Variants in RAP1GAP observed in about 807,000 individuals in gnomAD.
RAP1GAP encodes the protein rap1 GTPase-activating protein 1.
In RAP1GAP, 35 loss-of-function variants were observed where a neutral mutation model predicts 87.2. That is an observed-to-expected ratio of 0.40 (90% CI 0.31 to 0.53). RAP1GAP has a LOEUF of 0.53. Among genes scored for constraint, RAP1GAP ranks in the 20% least tolerant of loss-of-function variants. RAP1GAP has a pLI of 0.48. For missense variants in RAP1GAP, 734 were observed against 898.9 expected, an observed-to-expected ratio of 0.82 and a Z score of 2.35; for synonymous variants, 375 against 363.9, an observed-to-expected ratio of 1.03 and a Z score of -0.35.
rs2080043550 is a variant in RAP1GAP at position 21,613,775 on chromosome 1, C to A, written c.396-69G>T. 6.9e-7 allele frequency: 1 copy of A among 1,454,948 alleles called. No homozygotes were observed. Among genetic ancestry groups the A allele is most frequent in the African/African-American group, 1.4e-5 (1 of 71,596 alleles). 90.1% of individuals were successfully genotyped at this position (1,454,948 alleles called of 1,614,324 possible). Reference sequence around the variant, plus strand: ...AGGAAAATGGGAACCCCACCCCCCACAAAGTAAGGCCAGAAGGGGGTGGAC... The same window carrying A: ...AGGAAAATGGGAACCCCACCCCCCAAAAAGTAAGGCCAGAAGGGGGTGGAC... On this transcript the variant is annotated intron_variant, in intron 8 of 24. Transcript: ENST00000374765. This position sits in a 1 kb window ranked among gnomAD's most constrained non-coding sequence, Gnocchi z 4.7.
At position 21,615,290 on chromosome 1, in the gene RAP1GAP, C is replaced by A. The variant is rs910075220; in HGVS notation, c.292-1201G>T. Among the ~76,000 whole-genome samples, 52 of 152,358 alleles carry A rather than the reference C, an allele frequency of 3.4e-4. No homozygotes were observed. The highest frequency in any genetic ancestry group is 1.2e-3 in the African/African-American group (48 of 41,582). On this transcript the variant is annotated intron_variant, in intron 7 of 24. Coordinates refer to ENST00000374765, the MANE Select transcript of RAP1GAP (RefSeq NM_002885.4). This position sits in a 1 kb window ranked among gnomAD's most constrained non-coding sequence, Gnocchi z 4.5. ...TAGGGCCCAGTGCCTGAGCACCTGG[C>A]TGCTTCCCCCATTACCCCACCTGGA...
chr1:21,644,836 G>T (rs1188011062), intron 2 of RAP1GAP, among the ~76,000 whole-genome samples: 1 of 150,398 alleles, frequency 6.6e-6, no homozygotes, highest in African/African-American at 2.5e-5. Flanking sequence ...CGGAGGTGGA[G>T]GTTGCAGTGA....
At chr1:21,629,002 C>T (rs1381494209) in intron 2 of RAP1GAP, among the ~76,000 whole-genome samples, 3 of 152,132 alleles carry the variant, frequency 2.0e-5, no homozygotes, top group Non-Finnish European at 2.9e-5. Flanking sequence ...ACTGGGACTG[C>T]GTCAAGCATA....
intron 3 of RAP1GAP, among the ~76,000 whole-genome samples, chr1:21,623,326 T>C (rs77856479): frequency 0.011 from 1,682 of 152,306 alleles, 33 homozygotes; most frequent in African/African-American, 0.039. Context: ...ATATAAGGAC[T>C]CTGTAGGCCC....
Position 21,619,029 on chromosome 1 carries a change from AG to A in RAP1GAP, c.61del (p.Leu21SerfsTer59). On this transcript the variant is annotated frameshift_variant, in exon 5 of 25. Coordinates refer to ENST00000374765, the MANE Select transcript of RAP1GAP (RefSeq NM_002885.4). LOFTEE classifies it high-confidence loss of function. ...CAGACTGCCAGGCCCACCTACTTTG[AG>A]GGGCGGCGGGAAGGAGCAGCGTTGT... ...DEQRCSFPPP[L>X]KTEEDYIPYP... The A allele has an allele frequency of 1.3e-6, 2 of 1,599,188 alleles. No homozygotes were observed. The highest frequency in any genetic ancestry group is 1.7e-6 in the Non-Finnish European group (2 of 1,172,016).
intron 1 of RAP1GAP, chr1:21,651,839 C>T: frequency 8.7e-7 from 1 of 1,147,038 alleles, no homozygotes; most frequent in East Asian, 4.5e-5. Context: ...GCCGCCGCCG[C>T]CCGGCCCGGC....
At chr1:21,656,141 C>A (rs2096849133) in intron 1 of RAP1GAP, among the ~76,000 whole-genome samples, 2 of 152,164 alleles carry the variant, frequency 1.3e-5, no homozygotes, top group Non-Finnish European at 2.9e-5. Flanking sequence ...GGGTTAAAGA[C>A]CTAACAGTGG....
At chr1:21,658,026 C>T (rs1280587498) in intron 1 of RAP1GAP, among the ~76,000 whole-genome samples, 1 of 152,092 alleles carries the variant, frequency 6.6e-6, no homozygotes, top group Non-Finnish European at 1.5e-5. Flanking sequence ...CACTGTCATT[C>T]AGTGGGTGGG....
chr1:21,634,353 G>C lies in RAP1GAP; in HGVS notation c.-112-7956C>G, dbSNP rs2150909114. ...GTGGCGATGGGGTAGAGGAGCGGCA[G>C]GGGGACTATTTGCCATGCGGGCACT... On this transcript the variant is annotated intron_variant, in intron 2 of 24. Transcript: ENST00000374765. The surrounding 1 kb of genome is among the most constrained non-coding windows in gnomAD (Gnocchi z 4.1). 6.6e-6 allele frequency among the ~76,000 whole-genome samples: 1 copy of C among 152,330 alleles called. No individual in the cohort carries two copies. The highest frequency in any genetic ancestry group is 2.1e-4 in the South Asian group (1 of 4,830).
At chr1:21,604,328 AAGG>A (rs538818262) in intron 18 of RAP1GAP, among the ~76,000 whole-genome samples, 85 of 132,530 alleles carry the variant, frequency 6.4e-4, no homozygotes, top group South Asian at 3.8e-3. Flanking sequence ...CGGAGAAGGG[AAGG>A]AGGAGAGGGA....
intron 20 of RAP1GAP, 146 bp from the exon 21 acceptor site, chr1:21,599,763 T>A: frequency 8.7e-7 from 1 of 1,153,580 alleles, no homozygotes; most frequent in Non-Finnish European, 1.2e-6. Context: ...CTTGGGCCTC[T>A]GAGCCCCCCA....
At position 21,596,793 on chromosome 1, in the gene RAP1GAP, G is replaced by A. The variant is rs1031118558; in HGVS notation, c.*506C>T. On this transcript the variant is annotated 3_prime_UTR_variant, in exon 25 of 25. Transcript: ENST00000374765. Reference sequence around the variant, plus strand: ...TAGCAGACATGCCCAGAGAGGGAGAGTGACTTGCCCAGAGTCACACAGCAG... The same window carrying A: ...TAGCAGACATGCCCAGAGAGGGAGAATGACTTGCCCAGAGTCACACAGCAG... 6.6e-6 allele frequency: 1 copy of A among 152,304 alleles called. No homozygotes were observed. Among genetic ancestry groups the A allele is most frequent in the Non-Finnish European group, 1.5e-5 (1 of 68,114 alleles). The allele number at this position is 152,304 out of a possible 1,614,324, so 9.4% of individuals were successfully genotyped here. A position where few individuals can be genotyped will look rare whatever the true frequency, so the allele number is the denominator to read the frequency against.
intron 2 of RAP1GAP, chr1:21,626,919 A>G: frequency 2.2e-6 from 1 of 456,662 alleles, no homozygotes; most frequent in Non-Finnish European, 4.4e-6. Flanking sequence ...TGGCCTCCTC[A>G]CCACACTGGT....
At chr1:21,666,361 G>C (rs1439261803) in intron 1 of RAP1GAP, among the ~76,000 whole-genome samples, 2 of 152,242 alleles carry the variant, frequency 1.3e-5, no homozygotes, top group African/African-American at 4.8e-5. Context: ...AGCAAAAGTG[G>C]AAAGGAAAGG....
chr1:21,618,761 C>T (rs2084167703), intron 5 of RAP1GAP, among the ~76,000 whole-genome samples: 2 of 152,112 alleles, frequency 1.3e-5, no homozygotes, highest in Admixed American at 1.3e-4. Flanking sequence ...GAGTCTGCAG[C>T]AGTGAAGACC....
chr1:21,635,532 G>A (rs1234742833), intron 2 of RAP1GAP, among the ~76,000 whole-genome samples: 1 of 152,228 alleles, frequency 6.6e-6, no homozygotes, highest in East Asian at 1.9e-4. Context: ...TGCCTGGACT[G>A]TTCCTGAGGA....
intron 1 of RAP1GAP, among the ~76,000 whole-genome samples, chr1:21,665,042 C>A (rs2097294161): frequency 6.6e-6 from 1 of 152,144 alleles, no homozygotes. Context: ...CTGAGGACTC[C>A]CAATCTATGT....
chr1:21,619,358 G>A (rs1227609263), intron 4 of RAP1GAP, among the ~76,000 whole-genome samples: 1 of 151,590 alleles, frequency 6.6e-6, no homozygotes, highest in African/African-American at 2.4e-5. Context: ...GCCGGTGTGC[G>A]AGCTGGCGGG....
chr1:21,609,136 T>C lies in RAP1GAP; in HGVS notation c.1072-200A>G, dbSNP rs1015779588. Reference sequence around the variant, plus strand: ...CTTCAAGGGGCCCCAGTGCCCTTCATGGCTGCCCACGCCTTCGGGAGAGCA... The same window carrying C: ...CTTCAAGGGGCCCCAGTGCCCTTCACGGCTGCCCACGCCTTCGGGAGAGCA... On this transcript the variant is annotated intron_variant, in intron 15 of 24. Transcript: ENST00000374765. This position sits in a 1 kb window ranked among gnomAD's most constrained non-coding sequence, Gnocchi z 4.4. 1.3e-5 allele frequency among the ~76,000 whole-genome samples: 2 copies of C among 152,178 alleles called. No homozygotes were observed. The highest frequency in any genetic ancestry group is 6.5e-5 in the Admixed American group (1 of 15,278).
Sources: gnomAD v4.1 joint callset for allele counts (sites outside exome capture counted in the v4.1 genomes callset) on GRCh38, gnomAD v4.1.1 for gene constraint, Gnocchi (gnomAD v3.1) non-coding constraint, MANE v1.5 for transcripts, NCBI Gene and HGNC (gene_info 2026-07-23, HGNC 2026-07-21) for gene names.